SATB2: variants seen among roughly 807,000 people sequenced by gnomAD.
SATB2 encodes DNA-binding protein SATB2.
Under a neutral mutation model 73.4 loss-of-function variants are expected in SATB2, and 1 was observed. The observed-to-expected ratio is 0.01, with a 90% CI of 0.00 to 0.06. The LOEUF is 0.06. SATB2 is among the 10% of genes least tolerant of loss of function. The pLI, the probability that SATB2 is intolerant of heterozygous loss-of-function variation, is 1.00. For missense variants in SATB2, 459 were observed against 945.8 expected, an observed-to-expected ratio of 0.49 and a Z score of 6.75; for synonymous variants, 397 against 367.0, an observed-to-expected ratio of 1.08 and a Z score of -0.93.
chr2:199,446,483 G>GA (rs906466851), intron 2 of SATB2, among the ~76,000 whole-genome samples: 11 of 149,934 alleles, frequency 7.3e-5, no homozygotes, highest in South Asian at 2.1e-4. Flanking sequence ...GTGATCGTAT[G>GA]AAAAAAAAAC....
At chr2:199,392,585 T>C (rs1010726202) in intron 3 of SATB2, among the ~76,000 whole-genome samples, 7 of 152,114 alleles carry the variant, frequency 4.6e-5, no homozygotes, top group Admixed American at 1.3e-4. Context: ...GGTGTGTGTA[T>C]GTCACATACC....
At chr2:199,388,674 G>GA (rs900463991) in intron 3 of SATB2, among the ~76,000 whole-genome samples, 40 of 150,458 alleles carry the variant, frequency 2.7e-4, no homozygotes, top group African/African-American at 5.1e-4. Flanking sequence ...CTCAACCTGA[G>GA]AAAAAAAAAT....
chr2:199,308,059 C>T lies in SATB2; in HGVS notation c.1740+701G>A, dbSNP rs1205154298. Among the ~76,000 whole-genome samples the T allele has an allele frequency of 6.6e-6, 1 of 152,108 alleles. No individual in the cohort carries two copies. Among genetic ancestry groups the T allele is most frequent in the African/African-American group, 2.4e-5 (1 of 41,406 alleles). On this transcript the variant is annotated intron_variant, in intron 10 of 10. Coordinates refer to ENST00000417098, the MANE Select transcript of SATB2 (RefSeq NM_001172509.2). This position sits in a 1 kb window ranked among gnomAD's most constrained non-coding sequence, Gnocchi z 4.6. Reference sequence around the variant, plus strand: ...CTCTAGGGGGTCTAACGTTGGAAACCTCAACTAATATTTCTTCTTAAAAGC... The same window carrying T: ...CTCTAGGGGGTCTAACGTTGGAAACTTCAACTAATATTTCTTCTTAAAAGC...
intron 9 of SATB2, among the ~76,000 whole-genome samples, chr2:199,320,212 A>G (rs923275003): frequency 4.6e-5 from 7 of 152,082 alleles, no homozygotes; most frequent in Non-Finnish European, 7.4e-5. Context: ...AACGCTCCAT[A>G]TGCCTTTACA....
intron 5 of SATB2, among the ~76,000 whole-genome samples, chr2:199,375,056 C>A (rs1689559599): frequency 6.6e-6 from 1 of 151,950 alleles, no homozygotes; most frequent in Non-Finnish European, 1.5e-5. Context: ...CTATGAGATG[C>A]ACAAGGCAGG....
chr2:199,368,783 C>A, intron 5 of SATB2, 76 bp from the exon 6 acceptor site: 1 of 759,624 alleles, frequency 1.3e-6, no homozygotes, highest in Non-Finnish European at 2.2e-6. Flanking sequence ...CACTTTATAA[C>A]CTGCACTAAC....
intron 10 of SATB2, among the ~76,000 whole-genome samples, chr2:199,300,443 A>T (rs996580340): frequency 6.6e-6 from 1 of 152,030 alleles, no homozygotes; most frequent in Non-Finnish European, 1.5e-5. Context: ...CTCTCACCAG[A>T]AGGAAAAAAC....
chr2:199,281,420 G>A (rs1692490429), intron 10 of SATB2, among the ~76,000 whole-genome samples: 1 of 151,600 alleles, frequency 6.6e-6, no homozygotes, highest in Admixed American at 6.6e-5. Context: ...AAAGCTTCAG[G>A]TCCTGTAGGC....
In SATB2 at chr2:199,281,918, G is replaced by C. The variant is rs1216976081; in HGVS notation, c.1741-9246C>G. ...TTTTTTTGAGACAGGGTCTTGCTCT[G>C]TCGCCCAGGCTGGAGTGCAGTGGCG... On this transcript the variant is annotated intron_variant, in intron 10 of 10. Transcript: ENST00000417098. 5.1e-5 allele frequency among the ~76,000 whole-genome samples: 7 copies of C among 136,964 alleles called. No homozygotes were observed. In the Admixed American group the frequency reaches 5.6e-4, roughly 11 times the overall value. The allele number at this position is 136,964 out of a possible 152,430, so 89.9% of individuals were successfully genotyped here. A position where few individuals can be genotyped will look rare whatever the true frequency, so the allele number is the denominator to read the frequency against.
At chr2:199,415,250 T>C (rs1196573752) in intron 3 of SATB2, among the ~76,000 whole-genome samples, 1 of 152,166 alleles carries the variant, frequency 6.6e-6, no homozygotes, top group African/African-American at 2.4e-5. Context: ...AGGAAGAGAA[T>C]AGTTGTAAGC....
chr2:199,418,356 C>T (rs1047261923), intron 3 of SATB2, among the ~76,000 whole-genome samples: 7 of 152,116 alleles, frequency 4.6e-5, no homozygotes, highest in African/African-American at 1.7e-4. Flanking sequence ...AACTAGAGGG[C>T]CAACGATCTG....
At chr2:199,303,109 G>A (rs535795283) in intron 10 of SATB2, among the ~76,000 whole-genome samples, 31 of 152,282 alleles carry the variant, frequency 2.0e-4, no homozygotes, top group Non-Finnish European at 2.5e-4. Context: ...GCTGGCTGTC[G>A]CACGTTAGCA....
At position 199,272,329 on chromosome 2, in the gene SATB2, A is replaced by T; in HGVS notation, c.2084T>A (p.Leu695Gln). The T allele has an allele frequency of 6.2e-7, 1 of 1,614,198 alleles. No individual in the cohort carries two copies. The highest frequency in any genetic ancestry group is 8.5e-7 in the Non-Finnish European group (1 of 1,180,036). The change falls in exon 11 of 11, where the codon CTG becomes CAG. Residue 695 changes from leucine (L) to glutamine (Q), a missense_variant. Leu to Gln is a moderately radical substitution (Grantham distance 113). Coordinates refer to ENST00000417098, the MANE Select transcript of SATB2 (RefSeq NM_001172509.2). The surrounding 1 kb of genome is among the most constrained non-coding windows in gnomAD (Gnocchi z 6.7). ...GCTGTCGTTCTCCTCTGACTCGGTC[A>T]GCAGCTCCTCGTCCTTATATTCAGC... Reference protein sequence around the residue: ...DVAEYKDEELLTESEENDSEE... With the variant: ...DVAEYKDEELQTESEENDSEE...
At chr2:199,418,671 A>G (rs1182083505) in intron 3 of SATB2, among the ~76,000 whole-genome samples, 1 of 152,212 alleles carries the variant, frequency 6.6e-6, no homozygotes. Context: ...CTTATTAAAT[A>G]AACACTTTCA....
chr2:199,470,522 G>A (rs1692682898), intron 1 of SATB2: 1 of 152,352 alleles, frequency 6.6e-6, no homozygotes, highest in Non-Finnish European at 1.5e-5. Flanking sequence ...AGGGCAAGAA[G>A]CCTGGTGGCG....
rs372121244 is a variant in SATB2 at position 199,433,441 on chromosome 2, G to A, written c.243C>T (p.His81=). 12 of 1,614,122 alleles carry A rather than the reference G, an allele frequency of 7.4e-6. No homozygotes were observed. The African/African-American group carries it at 1.1e-4, about 14-fold the overall frequency. ...CTTTCCGCACCAGGACAAACTCGGC[G>A]TGTTCTTCTCTGTTGTCATATTCAA... ...GSLEYDNREE[H]AEFVLVRKDV... is the part of the protein sequence containing the mutation. The change falls in exon 3 of 11, where the codon CAC becomes CAT. Residue 81 remains histidine (H), a synonymous_variant. Coordinates refer to ENST00000417098, the MANE Select transcript of SATB2 (RefSeq NM_001172509.2).
intron 6 of SATB2, among the ~76,000 whole-genome samples, chr2:199,360,549 C>T (rs1182531227): frequency 6.6e-6 from 1 of 152,112 alleles, no homozygotes; most frequent in Non-Finnish European, 1.5e-5. Context: ...CTAGAACCTT[C>T]CCTCCTTACA....
chr2:199,274,836 G>A (rs550004287), intron 10 of SATB2, among the ~76,000 whole-genome samples: 2 of 151,870 alleles, frequency 1.3e-5, no homozygotes, highest in African/African-American at 4.8e-5. Context: ...CTCCAGGGAT[G>A]GGGGGTGGGG....
chr2:199,290,760 C>T (rs1238521598), intron 10 of SATB2, among the ~76,000 whole-genome samples: 2 of 152,110 alleles, frequency 1.3e-5, no homozygotes, highest in Non-Finnish European at 2.9e-5. Flanking sequence ...CTGACATATT[C>T]ATCAGTTTGC....
Sources: gnomAD v4.1 joint callset for allele counts (sites outside exome capture counted in the v4.1 genomes callset) on GRCh38, gnomAD v4.1.1 for gene constraint, Gnocchi (gnomAD v3.1) non-coding constraint, MANE v1.5 for transcripts, NCBI Gene and HGNC (gene_info 2026-07-23, HGNC 2026-07-21) for gene names.